Variants in SPPL3 observed in about 807,000 individuals in gnomAD.
The protein encoded by SPPL3 is signal peptide peptidase-like 3.
In SPPL3, 5 loss-of-function variants were observed where a neutral mutation model predicts 42.4. The observed-to-expected ratio is 0.12, with a 90% CI of 0.06 to 0.25. SPPL3 has a LOEUF of 0.25. SPPL3 is among the 10% of genes least tolerant of loss of function. The probability of loss-of-function intolerance (pLI) is 1.00; values close to 1 mark genes in which losing one functional copy is unlikely to be tolerated. For synonymous variants in SPPL3, 195 were observed against 181.8 expected, an observed-to-expected ratio of 1.07 and a Z score of -0.58; for missense variants, 235 against 489.0, an observed-to-expected ratio of 0.48 and a Z score of 4.90.
chr12:120,840,754 C>G (rs886881377), intron 1 of SPPL3, among the ~76,000 whole-genome samples: 1 of 152,012 alleles, frequency 6.6e-6, no homozygotes, highest in Non-Finnish European at 1.5e-5. Flanking sequence ...ATGGCTTGAG[C>G]TTGGGAGGCG....
intron 1 of SPPL3, among the ~76,000 whole-genome samples, chr12:120,843,600 T>C (rs1229461222): frequency 6.6e-6 from 1 of 152,220 alleles, no homozygotes; most frequent in South Asian, 2.1e-4. Flanking sequence ...CTAGGTGTAC[T>C]CCTCTTCCCA....
At chr12:120,784,390 A>G (rs903458362) in intron 4 of SPPL3, 84 bp downstream of exon 4, 44 of 1,393,306 alleles carry the variant, frequency 3.2e-5, no homozygotes, top group Non-Finnish European at 3.8e-5. Context: ...GACATGGTAT[A>G]TAAATCTTAA....
At chr12:120,783,901 TC>T (rs1263660077) in intron 4 of SPPL3, 149 bp from the exon 5 acceptor site, 2 of 601,370 alleles carry the variant, frequency 3.3e-6, no homozygotes, top group Non-Finnish European at 5.6e-6. Flanking sequence ...GCACAAAAAA[TC>T]TCTTCATTAT....
At chr12:120,831,192 C>CAG (rs1463688299) in intron 1 of SPPL3, among the ~76,000 whole-genome samples, 1 of 152,184 alleles carries the variant, frequency 6.6e-6, no homozygotes, top group Non-Finnish European at 1.5e-5. Flanking sequence ...TCCTGGCTCT[C>CAG]AGGCCTTTGG....
intron 3 of SPPL3, 104 bp from the exon 4 acceptor site, chr12:120,784,697 T>C: frequency 1.2e-6 from 1 of 827,652 alleles, no homozygotes; most frequent in South Asian, 2.0e-5. Flanking sequence ...GTTCTACGGA[T>C]TATACGTAGG....
chr12:120,782,617 A>G (rs746565454), intron 6 of SPPL3, 38 bp downstream of exon 6: 82 of 1,437,744 alleles, frequency 5.7e-5, no homozygotes, highest in Non-Finnish European at 6.7e-5. Context: ...AAAACTCTAT[A>G]AAGTAAAATT....
chr12:120,791,784 A>G (rs1869925275), intron 2 of SPPL3: 1 of 464,496 alleles, frequency 2.2e-6, no homozygotes, highest in Non-Finnish European at 3.8e-6. Context: ...ATGCAGCTGA[A>G]TCTTCCACTC....
Position 120,768,748 on chromosome 12 carries a change from T to TCA in SPPL3, c.609+203_609+204dup, listed in dbSNP as rs139754758. On this transcript the variant is annotated intron_variant, in intron 7 of 10. Transcript: ENST00000353487. ...CCTGTTACCTCTTCTATCCTAGGAG[T>TCA]CACACACACACACTACCTACTGTAC... 5.6e-3 allele frequency: 3,466 copies of TCA among 621,938 alleles called. 39 individuals carry two copies. The highest frequency in any genetic ancestry group is 0.042 in the African/African-American group (2,276 of 54,112). The allele number at this position is 621,938 out of a possible 1,614,324, so 38.5% of individuals were successfully genotyped here.
At chr12:120,790,062 G>A (rs377698921) in intron 3 of SPPL3, among the ~76,000 whole-genome samples, 31 of 152,220 alleles carry the variant, frequency 2.0e-4, no homozygotes, top group African/African-American at 7.0e-4. Context: ...AGAGTTTCAG[G>A]AGTATAAACT....
intron 1 of SPPL3, 119 bp downstream of exon 1, chr12:120,903,726 A>AC: frequency 3.7e-5 from 19 of 509,750 alleles, no homozygotes; most frequent in South Asian, 5.5e-5. Context: ...GTGCACCCCA[A>AC]CCCGCGCCCC....
At chr12:120,826,909 C>G (rs1038124518) in intron 1 of SPPL3, among the ~76,000 whole-genome samples, 1 of 151,946 alleles carries the variant, frequency 6.6e-6, no homozygotes, top group South Asian at 2.1e-4. Flanking sequence ...TTAATCCTGA[C>G]AAAATTGAGA....
intron 2 of SPPL3, among the ~76,000 whole-genome samples, chr12:120,799,079 C>T (rs1174006293): frequency 1.3e-5 from 2 of 152,162 alleles, no homozygotes; most frequent in Non-Finnish European, 2.9e-5. Context: ...TGCTCCTTGA[C>T]TTACAATGGA....
At chr12:120,896,536 G>A (rs1480717005) in intron 1 of SPPL3, among the ~76,000 whole-genome samples, 2 of 152,132 alleles carry the variant, frequency 1.3e-5, no homozygotes, top group Non-Finnish European at 2.9e-5. Flanking sequence ...AACATTTTAG[G>A]AGGCTGAGGC....
intron 6 of SPPL3, among the ~76,000 whole-genome samples, chr12:120,777,140 GAA>G (rs1231441946): frequency 1.3e-5 from 2 of 152,132 alleles, no homozygotes; most frequent in Non-Finnish European, 2.9e-5. Flanking sequence ...TACATGCACT[GAA>G]AAAATCTGGT....
chr12:120,892,615 G>C (rs185906649), intron 1 of SPPL3, among the ~76,000 whole-genome samples: 52 of 152,296 alleles, frequency 3.4e-4, no homozygotes, highest in Admixed American at 1.9e-3. Context: ...AGATTGTTTT[G>C]AAAGTCAGAT....
At chr12:120,819,109 T>C (rs1213847698) in intron 1 of SPPL3, among the ~76,000 whole-genome samples, 2 of 152,194 alleles carry the variant, frequency 1.3e-5, no homozygotes, top group African/African-American at 2.4e-5. Flanking sequence ...GAGTACTTCA[T>C]AGCCTTTTCA....
intron 1 of SPPL3, among the ~76,000 whole-genome samples, chr12:120,873,241 G>A (rs1566066372): frequency 1.3e-5 from 2 of 152,084 alleles, no homozygotes; most frequent in Non-Finnish European, 2.9e-5. Context: ...TTAACTTGAA[G>A]ACACAGCAGT....
chr12:120,803,138 A>G (rs1026087293), intron 2 of SPPL3, among the ~76,000 whole-genome samples: 1 of 152,196 alleles, frequency 6.6e-6, no homozygotes, highest in Non-Finnish European at 1.5e-5. Flanking sequence ...TGAGTTTTAC[A>G]TTCTTTCTTT....
At chr12:120,853,624 C>T (rs1212200348) in intron 1 of SPPL3, among the ~76,000 whole-genome samples, 2 of 152,122 alleles carry the variant, frequency 1.3e-5, no homozygotes, top group Non-Finnish European at 2.9e-5. Flanking sequence ...CATGGATCTT[C>T]TAGACCAGTG....
Sources: gnomAD v4.1 joint callset for allele counts (sites outside exome capture counted in the v4.1 genomes callset) on GRCh38, gnomAD v4.1.1 for gene constraint, MANE v1.5 for transcripts, NCBI Gene and HGNC (gene_info 2026-07-23, HGNC 2026-07-21) for gene names.